GRID1: variants seen among roughly 807,000 people sequenced by gnomAD.
GRID1 encodes the protein glutamate receptor ionotropic, delta-1.
GRID1 carries 28 observed loss-of-function variants against 98.0 expected under a neutral mutation model. The ratio of observed to expected loss-of-function variants is 0.29; its 90% confidence interval spans 0.21 to 0.39. GRID1 has a LOEUF of 0.39. GRID1 is among the 10% of genes least tolerant of loss of function. The pLI is 1.00. For synonymous variants in GRID1, 553 were observed against 538.5 expected, an observed-to-expected ratio of 1.03 and a Z score of -0.37; for missense variants, 1,111 against 1,340.5, an observed-to-expected ratio of 0.83 and a Z score of 2.67.
chr10:86,162,011 C>A (rs935386823), intron 3 of GRID1, among the ~76,000 whole-genome samples: 2 of 152,188 alleles, frequency 1.3e-5, no homozygotes, highest in African/African-American at 4.8e-5. Context: ...CCAGGGAGGG[C>A]TCCTGGCAGC....
At chr10:86,347,967 C>T (rs1323312057) in intron 2 of GRID1, among the ~76,000 whole-genome samples, 3 of 152,150 alleles carry the variant, frequency 2.0e-5, no homozygotes, top group Admixed American at 2.0e-4. Context: ...GCCCGGCCAC[C>T]TTCCCCATGG....
intron 2 of GRID1, among the ~76,000 whole-genome samples, chr10:86,351,306 A>G (rs111498919): frequency 7.2e-5 from 11 of 152,368 alleles, no homozygotes; most frequent in African/African-American, 2.6e-4. Context: ...TCAGGTACAG[A>G]CACACACGGG....
intron 4 of GRID1, among the ~76,000 whole-genome samples, chr10:85,954,082 T>A (rs76645168): frequency 0.052 from 7,918 of 152,266 alleles, 245 homozygotes; most frequent in Middle Eastern, 0.11. Flanking sequence ...TATTACTGTT[T>A]AACAATTTAC....
At chr10:86,309,603 C>T (rs753190967) in intron 2 of GRID1, among the ~76,000 whole-genome samples, 2 of 152,230 alleles carry the variant, frequency 1.3e-5, no homozygotes, top group Non-Finnish European at 2.9e-5. Context: ...GGCAGCACCG[C>T]GTGGGAGGAA....
At chr10:85,924,967 G>T (rs1841754842) in intron 4 of GRID1, among the ~76,000 whole-genome samples, 1 of 152,316 alleles carries the variant, frequency 6.6e-6, no homozygotes, top group South Asian at 2.1e-4. Context: ...GGGCTGTGCA[G>T]GGAGTGCAAT....
intron 2 of GRID1, among the ~76,000 whole-genome samples, chr10:86,273,412 C>A (rs1034565475): frequency 1.1e-4 from 16 of 147,750 alleles, no homozygotes; most frequent in African/African-American, 3.7e-4. Context: ...ATTTATAGTC[C>A]TTTGGGTATA....
intron 2 of GRID1, among the ~76,000 whole-genome samples, chr10:86,256,459 T>C (rs972588369): frequency 6.6e-6 from 1 of 152,132 alleles, no homozygotes; most frequent in African/African-American, 2.4e-5. Flanking sequence ...AGTGAGACCC[T>C]GTCTCTAAAT....
At chr10:85,779,989 G>A (rs1418514036) in intron 8 of GRID1, among the ~76,000 whole-genome samples, 1 of 152,206 alleles carries the variant, frequency 6.6e-6, no homozygotes, top group East Asian at 1.9e-4. Context: ...TAGGGCAGGT[G>A]CAGCACCATG....
At chr10:86,359,508 C>T (rs1266252096) in intron 2 of GRID1, among the ~76,000 whole-genome samples, 1 of 152,216 alleles carries the variant, frequency 6.6e-6, no homozygotes, top group East Asian at 1.9e-4. Flanking sequence ...TTGTTTCATT[C>T]TGTGAACCAC....
intron 2 of GRID1, among the ~76,000 whole-genome samples, chr10:86,217,685 T>A (rs1456084677): frequency 6.6e-6 from 1 of 151,942 alleles, no homozygotes; most frequent in African/African-American, 2.4e-5. Flanking sequence ...AAGCAACACC[T>A]CTCCAGAAGT....
rs773145141 is a variant in GRID1 at position 85,667,844 on chromosome 10, C to A, written c.1998-20447G>T. Among the ~76,000 whole-genome samples, 55 of 152,218 alleles carry A rather than the reference C, an allele frequency of 3.6e-4. 1 individual carries two copies. Among genetic ancestry groups the A allele is most frequent in the Non-Finnish European group, 7.3e-5 (5 of 68,034 alleles). ...CTAGTAGTATTCTGTTCCCAGCTGT[C>A]TGACTAGGCTTCCCCGCTCTGCAGG... On this transcript the variant is annotated intron_variant, in intron 12 of 15. Coordinates refer to ENST00000327946, the MANE Select transcript of GRID1 (RefSeq NM_017551.3).
intron 8 of GRID1, among the ~76,000 whole-genome samples, chr10:85,779,340 G>C (rs921164536): frequency 1.3e-5 from 2 of 152,152 alleles, no homozygotes; most frequent in African/African-American, 4.8e-5. Context: ...CCTTAGGAGA[G>C]TGAAATCTCT....
chr10:85,945,833 C>T (rs893597016), intron 4 of GRID1, among the ~76,000 whole-genome samples: 1 of 152,100 alleles, frequency 6.6e-6, no homozygotes, highest in Non-Finnish European at 1.5e-5. Context: ...GATATAAGGG[C>T]TTTAAATTAT....
chr10:85,728,175 G>A, intron 9 of GRID1, 123 bp from the exon 10 acceptor site: 1 of 747,084 alleles, frequency 1.3e-6, no homozygotes, highest in South Asian at 1.6e-5. Flanking sequence ...TAGGACTTCA[G>A]GCTCAACTTC....
At chr10:85,999,132 A>C (rs955151152) in intron 4 of GRID1, among the ~76,000 whole-genome samples, 1 of 152,024 alleles carries the variant, frequency 6.6e-6, no homozygotes, top group Non-Finnish European at 1.5e-5. Flanking sequence ...GAATCAGTTG[A>C]ACTTGGGAGG....
rs570596628 is a variant in GRID1 at position 86,202,639 on chromosome 10, G to A, written c.520+3725C>T. Among the ~76,000 whole-genome samples, 3 of 152,294 alleles carry A rather than the reference G, an allele frequency of 2.0e-5. No homozygotes were observed. The South Asian group carries it at 6.2e-4, about 32-fold the overall frequency. On this transcript the variant is annotated intron_variant, in intron 3 of 15. Transcript: ENST00000327946. Reference sequence around the variant, plus strand: ...GGAATTTTACCAAATAGCACATCTTGTAAACCATATACATACCAACTCCTC... The same window carrying A: ...GGAATTTTACCAAATAGCACATCTTATAAACCATATACATACCAACTCCTC...
chr10:86,333,203 CCCA>C (rs1442465949), intron 2 of GRID1, among the ~76,000 whole-genome samples: 2 of 152,204 alleles, frequency 1.3e-5, no homozygotes, highest in African/African-American at 4.8e-5. Flanking sequence ...AATGCCATCT[CCCA>C]CCACCATCTC....
At chr10:85,819,963 GAGAGAGGA>G (rs1205183115) in intron 8 of GRID1, among the ~76,000 whole-genome samples, 1 of 141,880 alleles carries the variant, frequency 7.0e-6, no homozygotes, top group Non-Finnish European at 1.6e-5. Flanking sequence ...GGGAGAGAAA[GAGAGAGGA>G]AGGAAGGAAG....
At chr10:86,283,424 C>G (rs1847382957) in intron 2 of GRID1, among the ~76,000 whole-genome samples, 1 of 152,132 alleles carries the variant, frequency 6.6e-6, no homozygotes, top group African/African-American at 2.4e-5. Flanking sequence ...AGGAAGGATT[C>G]AGCAGGACCA....
Sources: gnomAD v4.1 joint callset for allele counts (sites outside exome capture counted in the v4.1 genomes callset) on GRCh38, gnomAD v4.1.1 for gene constraint, MANE v1.5 for transcripts, NCBI Gene and HGNC (gene_info 2026-07-23, HGNC 2026-07-21) for gene names.